The following XKR4 variants were observed in gnomAD, a reference collection of about 807,000 sequenced individuals.
The protein encoded by XKR4 is XK-related protein 4.
Under a neutral mutation model 53.9 loss-of-function variants are expected in XKR4, and 12 were observed. The observed-to-expected ratio is 0.22, with a 90% CI of 0.14 to 0.36. XKR4 has a LOEUF of 0.36. XKR4 is among the 10% of genes least tolerant of loss of function. The pLI is 1.00. For missense variants in XKR4, 799 were observed against 859.5 expected (o/e 0.93, Z 0.88); for synonymous variants, 354 against 362.4 (o/e 0.98, Z 0.26).
intron 1 of XKR4, among the ~76,000 whole-genome samples, chr8:55,124,688 A>G (rs1045128650): frequency 4.6e-5 from 7 of 152,152 alleles, no homozygotes; most frequent in Non-Finnish European, 7.4e-5. Flanking sequence ...CATGCCATCC[A>G]AACCATTTTC....
intron 1 of XKR4, among the ~76,000 whole-genome samples, chr8:55,334,003 C>T (rs1803417458): frequency 6.6e-6 from 1 of 152,158 alleles, no homozygotes; most frequent in South Asian, 2.1e-4. Flanking sequence ...TAGTTGTTTA[C>T]TTAATGTTCA....
In XKR4 at chr8:55,278,654, T is replaced by C. The variant is rs565563582; in HGVS notation, c.807-79024T>C. On this transcript the variant is annotated intron_variant, in intron 1 of 2. Transcript: ENST00000327381. ...TTTGAATATTACAATAGATTACATATAATAAGTTGTCATAATTTTATAAAA... is the reference window on the plus strand; with the variant it reads ...TTTGAATATTACAATAGATTACATACAATAAGTTGTCATAATTTTATAAAA... 1.8e-4 allele frequency among the ~76,000 whole-genome samples: 28 copies of C among 152,326 alleles called. No homozygotes were observed. In the South Asian group the frequency reaches 5.4e-3, roughly 29 times the overall value.
intron 2 of XKR4, chr8:55,449,684 A>T (rs1585578943): frequency 1.1e-6 from 1 of 884,876 alleles, no homozygotes; most frequent in East Asian, 2.4e-5. Flanking sequence ...CTCCACCTCC[A>T]CCTCCACCAG....
intron 1 of XKR4, among the ~76,000 whole-genome samples, chr8:55,223,085 C>G (rs1161648595): frequency 6.6e-6 from 1 of 152,072 alleles, no homozygotes. Flanking sequence ...CATGAGGAGG[C>G]AAAGTTAGGT....
At chr8:55,131,159 T>TGAAAAACAACAACAA (rs1816548854) in intron 1 of XKR4, among the ~76,000 whole-genome samples, 1 of 56,076 alleles carries the variant, frequency 1.8e-5, no homozygotes, top group Non-Finnish European at 4.4e-5. Flanking sequence ...AATGGCTGTC[T>TGAAAAACAACAACAA]CAAAAACAAC....
intron 1 of XKR4, among the ~76,000 whole-genome samples, chr8:55,200,456 C>T (rs558105298): frequency 6.6e-6 from 1 of 152,298 alleles, no homozygotes; most frequent in East Asian, 1.9e-4. Flanking sequence ...ATATTCAGAA[C>T]TTTTGGTGGA....
At chr8:55,335,033 G>A (rs924920299) in intron 1 of XKR4, among the ~76,000 whole-genome samples, 11 of 152,118 alleles carry the variant, frequency 7.2e-5, no homozygotes, top group Non-Finnish European at 2.9e-5. Context: ...TGTATGGCAG[G>A]GTCAGTTCTA....
At chr8:55,459,916 A>G (rs1321612454) in intron 2 of XKR4, among the ~76,000 whole-genome samples, 1 of 152,008 alleles carries the variant, frequency 6.6e-6, no homozygotes, top group Non-Finnish European at 1.5e-5. Flanking sequence ...CACTAATTCC[A>G]TTCCCAGGTA....
At chr8:55,200,302 A>C (rs915533784) in intron 1 of XKR4, among the ~76,000 whole-genome samples, 1 of 152,176 alleles carries the variant, frequency 6.6e-6, no homozygotes, top group African/African-American at 2.4e-5. Flanking sequence ...TCCTGACTTC[A>C]CGTGATCCAC....
At chr8:55,171,750 G>T (rs115193620) in intron 1 of XKR4, among the ~76,000 whole-genome samples, 2 of 151,812 alleles carry the variant, frequency 1.3e-5, no homozygotes, top group East Asian at 1.9e-4. Context: ...CCTCCCCTTC[G>T]CCTGACAGCC....
chr8:55,507,069 C>T (rs906691345), intron 2 of XKR4, among the ~76,000 whole-genome samples: 8 of 152,014 alleles, frequency 5.3e-5, no homozygotes, highest in Non-Finnish European at 1.2e-4. Context: ...CAAGTCTTTT[C>T]TACAAGTTTA....
chr8:55,252,515 C>G (rs1818375619), intron 1 of XKR4, among the ~76,000 whole-genome samples: 2 of 152,108 alleles, frequency 1.3e-5, no homozygotes, highest in African/African-American at 2.4e-5. Flanking sequence ...ACACAAGACG[C>G]CGCCCGACCT....
intron 2 of XKR4, among the ~76,000 whole-genome samples, chr8:55,489,165 A>C (rs1289996776): frequency 6.6e-6 from 1 of 152,208 alleles, no homozygotes; most frequent in Non-Finnish European, 1.5e-5. Flanking sequence ...TAATGTATTC[A>C]TATTGGCTCA....
chr8:55,243,914 G>T (rs182436088), intron 1 of XKR4, among the ~76,000 whole-genome samples: 1 of 152,148 alleles, frequency 6.6e-6, no homozygotes, highest in African/African-American at 2.4e-5. Context: ...AGCACCTGCC[G>T]CACACAATAA....
At chr8:55,236,545 C>T (rs556801511) in intron 1 of XKR4, among the ~76,000 whole-genome samples, 1 of 152,264 alleles carries the variant, frequency 6.6e-6, no homozygotes, top group East Asian at 1.9e-4. Context: ...TCCCTGCCAT[C>T]AAATGCTGCA....
chr8:55,304,121 C>T lies in XKR4; in HGVS notation c.807-53557C>T, dbSNP rs573025490. Among the ~76,000 whole-genome samples the T allele has an allele frequency of 5.6e-3, 853 of 152,226 alleles. 9 individuals are homozygous for T. Among genetic ancestry groups the T allele is most frequent in the African/African-American group, 0.019 (801 of 41,512 alleles). ...GTCGATTTTGGATCTTTCCTGCTTTCTCTTGTGGGCATTTAGTGCTATAAA... is the reference window on the plus strand; with the variant it reads ...GTCGATTTTGGATCTTTCCTGCTTTTTCTTGTGGGCATTTAGTGCTATAAA... On this transcript the variant is annotated intron_variant, in intron 1 of 2. Coordinates refer to ENST00000327381, the MANE Select transcript of XKR4 (RefSeq NM_052898.2).
chr8:55,453,548 A>G (rs1222490765), intron 2 of XKR4: 11 of 379,102 alleles, frequency 2.9e-5, no homozygotes, highest in South Asian at 1.9e-4. Flanking sequence ...TAGGGCAGTC[A>G]TGCGGGGCCC....
At chr8:55,234,351 C>A (rs111255939) in intron 1 of XKR4, among the ~76,000 whole-genome samples, 2 of 152,158 alleles carry the variant, frequency 1.3e-5, no homozygotes, top group Non-Finnish European at 2.9e-5. Flanking sequence ...CTACCTCGAA[C>A]ATATTTTTCA....
chr8:55,444,916 T>C (rs1805323084), intron 2 of XKR4, among the ~76,000 whole-genome samples: 1 of 152,196 alleles, frequency 6.6e-6, no homozygotes, highest in Non-Finnish European at 1.5e-5. Context: ...TAATTATGTA[T>C]GGCAAAACAA....
Sources: allele counts gnomAD v4.1 joint callset (sites outside exome capture counted in the v4.1 genomes callset), GRCh38; gene constraint gnomAD v4.1.1; transcripts MANE v1.5; gene names NCBI Gene and HGNC (gene_info 2026-07-23, HGNC 2026-07-21).